The following ARHGEF6 variants were observed in gnomAD, a reference collection of about 807,000 sequenced individuals.
ARHGEF6 encodes the protein Rac/Cdc42 guanine nucleotide exchange factor 6.
In ARHGEF6, 9 loss-of-function variants were observed where a neutral mutation model predicts 70.3. The ratio of observed to expected loss-of-function variants is 0.13; its 90% CI spans 0.08 to 0.22. ARHGEF6 has a LOEUF of 0.22. Ranked by LOEUF, ARHGEF6 falls within the 10% of genes least tolerant of loss-of-function variation. ARHGEF6 has a pLI of 1.00. For synonymous variants in ARHGEF6, 201 were observed against 207.8 expected, an observed-to-expected ratio of 0.97 and a Z score of 0.28; for missense variants, 470 against 563.0, an observed-to-expected ratio of 0.83 and a Z score of 1.67.
rs530738228 is a variant in ARHGEF6, at chrX:136,684,953, T to C, written c.1392+724A>G. Among the ~76,000 whole-genome samples the C allele has an allele frequency of 4.5e-5, 5 of 112,068 alleles. No homozygotes were observed. In the East Asian group the frequency reaches 1.1e-3, roughly 25 times the overall value. On this transcript the variant is annotated intron_variant, in intron 12 of 21. Coordinates refer to ENST00000250617, the MANE Select transcript of ARHGEF6 (RefSeq NM_004840.3). ...ACATCCCTTTCGGAGTGTTGTTCTA[T>C]GACTGTGGACTCTTTCATTATTTCC...
rs190077903 is a variant in ARHGEF6 at position 136,717,107 on chromosome X, A to C, written c.733-3737T>G. ...CAAAATTAGTCAGACACCAAATCAC[A>C]GATCCAGGAAGCTCAGAGACCAAGT... On this transcript the variant is annotated intron_variant, in intron 6 of 21. Transcript: ENST00000250617. Among the ~76,000 whole-genome samples the C allele has an allele frequency of 5.8e-4, 65 of 112,258 alleles. No homozygotes were observed. The East Asian group carries it at 0.017, about 29-fold the overall frequency.
At chrX:136,702,791 A>G (rs2076588946) in intron 9 of ARHGEF6, among the ~76,000 whole-genome samples, 1 of 112,453 alleles carries the variant, frequency 8.9e-6, no homozygotes, top group Admixed American at 9.4e-5. Context: ...AGAATTTAAC[A>G]TCTCTCTATC....
intron 18 of ARHGEF6, 45 bp from the exon 19 acceptor site, chrX:136,675,141 T>C: frequency 9.2e-7 from 1 of 1,090,351 alleles, no homozygotes; most frequent in African/African-American, 1.8e-5. Context: ...TATATGCTTT[T>C]GGACCCTCAA....
At chrX:136,716,366 C>T (rs2076737210) in intron 6 of ARHGEF6, among the ~76,000 whole-genome samples, 1 of 112,123 alleles carries the variant, frequency 8.9e-6, no homozygotes, top group Non-Finnish European at 1.9e-5. Flanking sequence ...CCCTTTCTAG[C>T]CATCCTGTCC....
chrX:136,685,290 G>A (rs2076372874), intron 12 of ARHGEF6, among the ~76,000 whole-genome samples: 1 of 111,394 alleles, frequency 9.0e-6, no homozygotes, highest in Non-Finnish European at 1.9e-5. Context: ...TTGCAAAATC[G>A]AACATTGACT....
intron 18 of ARHGEF6, 113 bp downstream of exon 18, chrX:136,676,511 G>A (rs951560795): frequency 3.0e-5 from 17 of 573,334 alleles, no homozygotes; most frequent in Non-Finnish European, 4.1e-5. Context: ...TGTAAAAGAC[G>A]ATGTCAAGAA....
chrX:136,748,485 G>C (rs1268704141), intron 2 of ARHGEF6, among the ~76,000 whole-genome samples: 1 of 112,371 alleles, frequency 8.9e-6, no homozygotes, highest in East Asian at 2.8e-4. Flanking sequence ...AATATATTGA[G>C]TCTCAAATAT....
intron 9 of ARHGEF6, among the ~76,000 whole-genome samples, chrX:136,703,440 T>C (rs2076595577): frequency 1.8e-5 from 2 of 112,726 alleles, no homozygotes; most frequent in African/African-American, 6.4e-5. Flanking sequence ...TGAGCAAGTC[T>C]ATCGGTGCCA....
At chrX:136,750,897 G>A (rs1029952774) in intron 2 of ARHGEF6, among the ~76,000 whole-genome samples, 14 of 109,508 alleles carry the variant, frequency 1.3e-4, no homozygotes, top group Non-Finnish European at 7.6e-5. Context: ...CCGCCTCCCA[G>A]TTTCAAGCAA....
intron 2 of ARHGEF6, among the ~76,000 whole-genome samples, chrX:136,766,304 C>A (rs998933211): frequency 9.5e-6 from 1 of 105,218 alleles, no homozygotes; most frequent in Non-Finnish European, 1.9e-5. Context: ...TAAAAAAAAA[C>A]AGTTTGAACC....
chrX:136,752,447 C>T (rs965254858), intron 2 of ARHGEF6, among the ~76,000 whole-genome samples: 2 of 112,195 alleles, frequency 1.8e-5, no homozygotes, highest in African/African-American at 6.5e-5. Flanking sequence ...ATTACAGAAC[C>T]AAGCTAAAAC....
chrX:136,675,581 T>C (rs947569326), intron 18 of ARHGEF6, among the ~76,000 whole-genome samples: 2 of 110,313 alleles, frequency 1.8e-5, no homozygotes, highest in Non-Finnish European at 3.8e-5. Context: ...AGTGGCGCGA[T>C]CTCGGCTCAC....
In ARHGEF6 at chrX:136,665,865, A is replaced by C. The variant is rs2148556600; in HGVS notation, c.*2164T>G. 8.9e-6 allele frequency: 1 copy of C among 112,714 alleles called. No individual in the cohort carries two copies. Among genetic ancestry groups the C allele is most frequent in the East Asian group, 2.8e-4 (1 of 3,594 alleles). The allele number at this position is 112,714 out of a possible 1,213,427, so 9.3% of individuals were successfully genotyped here. On this transcript the variant is annotated 3_prime_UTR_variant, in exon 22 of 22. Coordinates refer to ENST00000250617, the MANE Select transcript of ARHGEF6 (RefSeq NM_004840.3). ...TCCAGAGTACCGAGGGCCCCTCATCAGAAGGGCCAAGTCCCCGAAACATGC... is the reference window on the plus strand; with the variant it reads ...TCCAGAGTACCGAGGGCCCCTCATCCGAAGGGCCAAGTCCCCGAAACATGC...
At chrX:136,683,275 T>G (rs893781408) in intron 12 of ARHGEF6, among the ~76,000 whole-genome samples, 1 of 112,549 alleles carries the variant, frequency 8.9e-6, no homozygotes, top group African/African-American at 3.2e-5. Context: ...AACATGTTTG[T>G]TAAAGTCGTA....
In ARHGEF6 at chrX:136,672,104, G is replaced by A. The variant is rs765195778; in HGVS notation, c.2051C>T (p.Ser684Phe). ...QGHGSSTRKDSIPQVLLPEEE... is the reference protein window; with the variant it reads ...QGHGSSTRKDFIPQVLLPEEE... ...CTCAGGGAGTAGGACTTGTGGAATG[G>A]AATCTTTTCGAGTACCTACAAACAA... The change falls in exon 20 of 22, where the codon TCC becomes TTC. Residue 684 changes from serine (S) to phenylalanine (F), a missense_variant. Transcript: ENST00000250617. 28 of 1,203,944 alleles carry A rather than the reference G, an allele frequency of 2.3e-5. No individual in the cohort carries two copies. The highest frequency in any genetic ancestry group is 2.9e-5 in the Non-Finnish European group (26 of 889,639).
At chrX:136,763,772 C>G (rs2077286220) in intron 2 of ARHGEF6, among the ~76,000 whole-genome samples, 1 of 111,631 alleles carries the variant, frequency 9.0e-6, no homozygotes, top group Admixed American at 9.5e-5. Flanking sequence ...TTGCAGTGAG[C>G]AGAGATCGCA....
At chrX:136,741,545 G>C (rs1365194983) in intron 5 of ARHGEF6, among the ~76,000 whole-genome samples, 1 of 106,514 alleles carries the variant, frequency 9.4e-6, no homozygotes, top group East Asian at 2.9e-4. Flanking sequence ...TTTTGTGTGT[G>C]TGTGTGTGTT....
Position 136,708,698 on chromosome X carries a change from G to T in ARHGEF6, c.900C>A (p.Cys300Ter), listed in dbSNP as rs1341591801. The T allele has an allele frequency of 8.3e-7, 1 of 1,203,329 alleles. No homozygotes were observed. The highest frequency in any genetic ancestry group is 1.1e-6 in the Non-Finnish European group (1 of 890,114). ...EEVCTFQQTL[C>*]QALEECSKFP... ...ACTTTGAACATTCTTCCAAGGCTTGGCAGAGTGTCTGTTGAAATGTGCATA... is the reference window on the plus strand; with the variant it reads ...ACTTTGAACATTCTTCCAAGGCTTGTCAGAGTGTCTGTTGAAATGTGCATA... Residue 300 changes from cysteine to a stop codon, truncating the protein, a stop_gained, in exon 8 of 22, where the codon TGC (cysteine) becomes TGA (stop). Coordinates refer to ENST00000250617, the MANE Select transcript of ARHGEF6 (RefSeq NM_004840.3). LOFTEE classifies it high-confidence loss of function.
chrX:136,714,987 G>A (rs994525702), intron 6 of ARHGEF6, among the ~76,000 whole-genome samples: 18 of 111,938 alleles, frequency 1.6e-4, no homozygotes, highest in Non-Finnish European at 5.6e-5. Context: ...GTGATGGAAT[G>A]CCCATATCAT....
Sources: gnomAD v4.1 joint callset for allele counts (sites outside exome capture counted in the v4.1 genomes callset) on GRCh38, gnomAD v4.1.1 for gene constraint, MANE v1.5 for transcripts, NCBI Gene and HGNC (gene_info 2026-07-23, HGNC 2026-07-21) for gene names.